Variants in MDGA2 observed in about 807,000 individuals in gnomAD.
MDGA2 encodes the protein MAM domain containing glycosylphosphatidylinositol anchor 2.
In MDGA2, 40 loss-of-function variants were observed where a neutral mutation model predicts 117.8. The observed-to-expected ratio is 0.34, with a 90% confidence interval of 0.26 to 0.44. The LOEUF is 0.44. MDGA2 is among the 20% of genes least tolerant of loss of function. The pLI is 1.00. For missense variants in MDGA2, 1,123 were observed against 1,250.6 expected (o/e 0.90, Z 1.54); for synonymous variants, 452 against 439.0 (o/e 1.03, Z -0.37).
intron 8 of MDGA2, among the ~76,000 whole-genome samples, chr14:46,961,394 G>GT (rs1417712968): frequency 2.6e-5 from 4 of 151,888 alleles, no homozygotes; most frequent in Non-Finnish European, 5.9e-5. Context: ...GCACTTGTTG[G>GT]TTTTTCTGTA....
intron 7 of MDGA2, among the ~76,000 whole-genome samples, chr14:47,053,396 C>T (rs1301717373): frequency 1.3e-5 from 2 of 151,678 alleles, no homozygotes; most frequent in Non-Finnish European, 2.9e-5. Context: ...ACCATCCCTT[C>T]AGCTACAACT....
At chr14:47,217,397 T>TA (rs1886132558) in intron 3 of MDGA2, among the ~76,000 whole-genome samples, 1 of 151,870 alleles carries the variant, frequency 6.6e-6, no homozygotes, top group Non-Finnish European at 1.5e-5. Flanking sequence ...CAAAAAGATT[T>TA]AAAATATTAT....
intron 14 of MDGA2, among the ~76,000 whole-genome samples, chr14:46,861,793 A>G (rs1260025635): frequency 6.6e-6 from 1 of 151,956 alleles, no homozygotes; most frequent in Non-Finnish European, 1.5e-5. Flanking sequence ...TCAACAAATG[A>G]TTTTGGAACT....
chr14:47,637,021 A>G (rs1897336029), intron 1 of MDGA2, among the ~76,000 whole-genome samples: 1 of 152,174 alleles, frequency 6.6e-6, no homozygotes, highest in African/African-American at 2.4e-5. Flanking sequence ...TACTTAAAGC[A>G]GTTTAAAAAG....
rs185203381 is a variant in MDGA2 at position 47,379,860 on chromosome 14, C to A, written c.281-78310G>T. On this transcript the variant is annotated intron_variant, in intron 1 of 16. Transcript: ENST00000399232. ...TATCCAGGAACTGAACTCAGCTCTG[C>A]ACCAACCAGACCTAATAGACACCTA... 7.2e-5 allele frequency among the ~76,000 whole-genome samples: 11 copies of A among 152,298 alleles called. No homozygotes were observed. In the East Asian group the frequency reaches 1.9e-3, roughly 27 times the overall value.
chr14:46,967,158 T>G (rs1345422154), intron 8 of MDGA2, among the ~76,000 whole-genome samples: 1 of 152,200 alleles, frequency 6.6e-6, no homozygotes. Context: ...ACAATGGACG[T>G]TAAATATGCA....
chr14:47,370,249 G>A (rs1256270878), intron 1 of MDGA2, among the ~76,000 whole-genome samples: 1 of 150,974 alleles, frequency 6.6e-6, no homozygotes, highest in Admixed American at 6.6e-5. Context: ...GCATTCCAGG[G>A]GAAGAGAAAA....
At chr14:47,207,797 A>G (rs1305993684) in intron 3 of MDGA2, among the ~76,000 whole-genome samples, 1 of 152,028 alleles carries the variant, frequency 6.6e-6, no homozygotes, top group African/African-American at 2.4e-5. Flanking sequence ...GATCATGAAT[A>G]AAAACACTGC....
chr14:47,435,931 T>G (rs1892888085), intron 1 of MDGA2, among the ~76,000 whole-genome samples: 1 of 152,102 alleles, frequency 6.6e-6, no homozygotes, highest in Non-Finnish European at 1.5e-5. Context: ...TCTACATTGT[T>G]TCCAACTGAC....
At chr14:47,508,359 CT>C in intron 1 of MDGA2, among the ~76,000 whole-genome samples, 2 of 144,928 alleles carry the variant, frequency 1.4e-5, no homozygotes, top group Middle Eastern at 3.6e-3. Flanking sequence ...TTGACTCTCT[CT>C]CTCTCTCTCT....
intron 1 of MDGA2, among the ~76,000 whole-genome samples, chr14:47,508,437 G>A (rs1469119103): frequency 6.7e-6 from 1 of 150,318 alleles, no homozygotes; most frequent in Non-Finnish European, 1.5e-5. Flanking sequence ...AAATATGAAT[G>A]AGAAACAGAA....
At chr14:47,204,629 A>G (rs1180283916) in intron 3 of MDGA2, among the ~76,000 whole-genome samples, 1 of 151,938 alleles carries the variant, frequency 6.6e-6, no homozygotes, top group Non-Finnish European at 1.5e-5. Flanking sequence ...TTCTGTTAAC[A>G]GTGGAACTTC....
At chr14:47,523,852 T>C (rs1203830773) in intron 1 of MDGA2, among the ~76,000 whole-genome samples, 1 of 152,212 alleles carries the variant, frequency 6.6e-6, no homozygotes, top group East Asian at 1.9e-4. Context: ...AATGTCCCTA[T>C]TTCTTCCTTC....
chr14:46,924,592 A>C (rs1884255704), intron 9 of MDGA2, among the ~76,000 whole-genome samples: 1 of 152,086 alleles, frequency 6.6e-6, no homozygotes. Context: ...AACAGACAAT[A>C]CATAGCTAAT....
At chr14:47,164,904 T>C (rs1326144195) in intron 3 of MDGA2, among the ~76,000 whole-genome samples, 10 of 152,220 alleles carry the variant, frequency 6.6e-5, no homozygotes, top group Non-Finnish European at 1.3e-4. Context: ...ATAGTCACCA[T>C]GGAATACTAT....
chr14:47,035,198 G>A lies in MDGA2; in HGVS notation c.1632C>T (p.Ile544=), dbSNP rs1888802810. The change falls in exon 8 of 17, where the codon ATC becomes ATT. Residue 544 remains isoleucine, a synonymous_variant. Transcript: ENST00000399232. ...CQVTGKPKPI[I]LWSRADKEVA... The stretch of plus-strand genomic sequence containing the variant: ...CTTCTTTATCCGCTCTAGACCAAAG[G>A]ATGATTGGTTTAGGTTTGCCAGTTA... The A allele has an allele frequency of 1.2e-6, 2 of 1,614,100 alleles. No individual in the cohort carries two copies. The highest frequency in any genetic ancestry group is 4.5e-5 in the East Asian group (2 of 44,842).
chr14:47,561,158 G>GGTTTTTTTTTTTTTTTT (rs1566515949), intron 1 of MDGA2, among the ~76,000 whole-genome samples: 3 of 55,096 alleles, frequency 5.4e-5, no homozygotes, highest in Non-Finnish European at 8.7e-5. Flanking sequence ...TTTTTGTTTT[G>GGTTTTTTTTTTTTTTTT]TTTTGTTTTT....
chr14:47,560,378 G>A (rs985266887), intron 1 of MDGA2, among the ~76,000 whole-genome samples: 2 of 151,980 alleles, frequency 1.3e-5, no homozygotes, highest in Admixed American at 6.6e-5. Flanking sequence ...GCCTATTTTA[G>A]GATTTTTTAA....
intron 5 of MDGA2, among the ~76,000 whole-genome samples, chr14:47,098,677 T>C (rs1367826902): frequency 1.3e-5 from 2 of 151,892 alleles, no homozygotes; most frequent in Non-Finnish European, 2.9e-5. Context: ...TTAAGGTAAA[T>C]AGCATAATCA....
Sources: allele counts gnomAD v4.1 joint callset (sites outside exome capture counted in the v4.1 genomes callset), GRCh38; gene constraint gnomAD v4.1.1; transcripts MANE v1.5; gene names NCBI Gene and HGNC (gene_info 2026-07-23, HGNC 2026-07-21).